The following TENM2 variants were observed in gnomAD, a reference collection of about 807,000 sequenced individuals.
TENM2 encodes teneurin transmembrane protein 2.
TENM2 carries 52 observed loss-of-function variants against 245.2 expected under a neutral mutation model. That is an observed-to-expected ratio of 0.21 (90% CI 0.17 to 0.27). The LOEUF (loss-of-function observed/expected upper bound fraction) is 0.27, where lower values mean the gene tolerates loss of function less well. Among genes scored for constraint, TENM2 ranks in the 10% least tolerant of loss-of-function variants. The pLI is 1.00. For synonymous variants in TENM2, 1,363 were observed against 1,438.9 expected, an observed-to-expected ratio of 0.95 and a Z score of 1.19; for missense variants, 3,046 against 3,666.8, an observed-to-expected ratio of 0.83 and a Z score of 4.37.
At chr5:168,004,517 G>GCGCACACACACACACGCGCACACA (rs898616203) in intron 5 of TENM2, among the ~76,000 whole-genome samples, 1 of 132,152 alleles carries the variant, frequency 7.6e-6, no homozygotes, top group African/African-American at 3.0e-5. Context: ...GCGCGCGCGC[G>GCGCACACACACACACGCGCACACA]CACACACACA....
the TENM2 span, among the ~76,000 whole-genome samples, chr5:167,178,129 G>T: frequency 6.6e-6 from 1 of 152,160 alleles, no homozygotes; most frequent in Admixed American, 6.5e-5. Context: ...AGTGAAGGAG[G>T]CTATTAATAT....
At chr5:167,840,586 G>A (rs1195474495) in intron 2 of TENM2, among the ~76,000 whole-genome samples, 1 of 151,792 alleles carries the variant, frequency 6.6e-6, no homozygotes, top group Non-Finnish European at 1.5e-5. Context: ...TGATAAATCA[G>A]CAAACCGTCT....
At chr5:168,175,189 G>T (rs1056543694) in intron 13 of TENM2, among the ~76,000 whole-genome samples, 1 of 152,160 alleles carries the variant, frequency 6.6e-6, no homozygotes, top group African/African-American at 2.4e-5. Flanking sequence ...TGTAAGGTTT[G>T]ACTAGAAAGT....
At chr5:167,231,203 G>C in the TENM2 span, among the ~76,000 whole-genome samples, 22 of 152,304 alleles carry the variant, frequency 1.4e-4, no homozygotes, top group African/African-American at 5.3e-4. Context: ...TTGGTACTGG[G>C]ACTGGAGCAC....
intron 5 of TENM2, among the ~76,000 whole-genome samples, chr5:167,995,278 T>C (rs1393173699): frequency 6.6e-6 from 1 of 152,206 alleles, no homozygotes; most frequent in Non-Finnish European, 1.5e-5. Flanking sequence ...GAGAGTTTAA[T>C]GTTTTAATCA....
chr5:167,511,978 A>G (rs1769986443), intron 2 of TENM2, among the ~76,000 whole-genome samples: 1 of 152,230 alleles, frequency 6.6e-6, no homozygotes, highest in Admixed American at 6.5e-5. Flanking sequence ...TAGGCAGAAC[A>G]CATGGATTTT....
At chr5:168,104,370 A>G (rs1794076796) in intron 9 of TENM2, among the ~76,000 whole-genome samples, 1 of 152,180 alleles carries the variant, frequency 6.6e-6, no homozygotes, top group African/African-American at 2.4e-5. Context: ...GGCCCCAAGC[A>G]TAAGGTCCTC....
At chr5:167,921,639 CA>C (rs1397804401) in intron 3 of TENM2, among the ~76,000 whole-genome samples, 2 of 152,114 alleles carry the variant, frequency 1.3e-5, no homozygotes, top group Non-Finnish European at 2.9e-5. Context: ...ATGAGAAAAA[CA>C]AACTATGATA....
At chr5:167,588,377 T>C (rs1775647434) in intron 2 of TENM2, among the ~76,000 whole-genome samples, 1 of 152,238 alleles carries the variant, frequency 6.6e-6, no homozygotes, top group South Asian at 2.1e-4. Context: ...ATTTGAGGTA[T>C]CACTTATATT....
intron 3 of TENM2, among the ~76,000 whole-genome samples, chr5:167,880,542 A>T (rs965114468): frequency 3.3e-5 from 5 of 152,090 alleles, no homozygotes; most frequent in African/African-American, 1.2e-4. Flanking sequence ...CCCATGAGAT[A>T]AAAGCAAATC....
At chr5:167,335,574 G>C (rs998978833) in intron 1 of TENM2, among the ~76,000 whole-genome samples, 4 of 151,490 alleles carry the variant, frequency 2.6e-5, no homozygotes, top group African/African-American at 9.7e-5. Flanking sequence ...TTATCACAGC[G>C]ATTTCACAAT....
chr5:167,370,750 A>G (rs888576105), intron 1 of TENM2, among the ~76,000 whole-genome samples: 4 of 152,230 alleles, frequency 2.6e-5, no homozygotes, highest in Non-Finnish European at 5.9e-5. Flanking sequence ...GATAAATAAT[A>G]CATATGTATT....
chr5:167,871,614 G>A (rs1265388113), intron 2 of TENM2, among the ~76,000 whole-genome samples: 3 of 152,148 alleles, frequency 2.0e-5, no homozygotes, highest in Non-Finnish European at 4.4e-5. Context: ...GACCATATGA[G>A]TTTAATGAAA....
intron 14 of TENM2, among the ~76,000 whole-genome samples, chr5:168,194,925 A>G (rs935354608): frequency 2.0e-5 from 3 of 152,208 alleles, no homozygotes; most frequent in African/African-American, 7.2e-5. Context: ...AACAATGTCA[A>G]GAAATGGAGC....
At chr5:167,811,940 A>G (rs1766671936) in intron 2 of TENM2, among the ~76,000 whole-genome samples, 1 of 152,178 alleles carries the variant, frequency 6.6e-6, no homozygotes, top group Non-Finnish European at 1.5e-5. Context: ...TATTTAATAT[A>G]AAGGTCAGAC....
At chr5:167,894,999 AAGGAAGGAAGGG>A (rs1775097374) in intron 3 of TENM2, among the ~76,000 whole-genome samples, 1 of 122,500 alleles carries the variant, frequency 8.2e-6, no homozygotes, top group South Asian at 3.3e-4. Context: ...GGAGGGAAGG[AAGGAAGGAAGGG>A]AGGGAGGGAG....
intron 28 of TENM2, 133 bp from the exon 31 acceptor site, chr5:168,261,916 C>T (rs1263185956): frequency 2.4e-6 from 2 of 831,532 alleles, no homozygotes; most frequent in Admixed American, 2.9e-5. Flanking sequence ...AGGTAGGACT[C>T]CCAACAGCTC....
rs560183119 is a variant in TENM2 at position 167,630,078 on chromosome 5, C to A, written c.503-245908C>A. Among the ~76,000 whole-genome samples the A allele has an allele frequency of 2.2e-4, 34 of 151,778 alleles. No individual in the cohort carries two copies. The South Asian group carries it at 2.9e-3, about 13-fold the overall frequency. On this transcript the variant is annotated intron_variant, in intron 2 of 28. Coordinates refer to ENST00000518659, the Ensembl canonical transcript of TENM2. ...ACAATGCACATATTTCTTTTTTCTT[C>A]TTCATAATTTTATGGATAGAATTAT...
At chr5:167,907,284 G>A (rs1776165611) in intron 3 of TENM2, among the ~76,000 whole-genome samples, 1 of 150,502 alleles carries the variant, frequency 6.6e-6, no homozygotes. Context: ...AAGAAGCATA[G>A]CAACTTAAAA....
Sources: gnomAD v4.1 joint callset for allele counts (sites outside exome capture counted in the v4.1 genomes callset) on GRCh38, gnomAD v4.1.1 for gene constraint, MANE v1.5 for transcripts, NCBI Gene and HGNC (gene_info 2026-07-23, HGNC 2026-07-21) for gene names.